Variants in CHEK1 observed in about 807,000 individuals in gnomAD.
The protein encoded by CHEK1 is serine/threonine-protein kinase Chk1.
CHEK1 carries 32 observed loss-of-function variants against 60.2 expected under a neutral mutation model. The observed-to-expected ratio is 0.53, with a 90% CI of 0.40 to 0.71. The LOEUF is 0.71. CHEK1 is among the 30% of genes least tolerant of loss of function. The probability of loss-of-function intolerance (pLI) is 0.00; values close to 1 mark genes in which losing one functional copy is unlikely to be tolerated. For missense variants in CHEK1, 399 were observed against 564.6 expected (o/e 0.71, Z 2.97); for synonymous variants, 179 against 187.2 (o/e 0.96, Z 0.36).
chr11:125,653,863 A>C lies in CHEK1; in HGVS notation c.1335+16A>C. On this transcript the variant is annotated intron_variant, in intron 12 of 12. Transcript: ENST00000438015. The surrounding 1 kb of genome is among the most constrained non-coding windows in gnomAD (Gnocchi z 4.3). The stretch of plus-strand genomic sequence containing the variant: ...GCTTTCTAAGGTATTTTTATGTTTT[A>C]TTGTATTCTTTCTATGGAAATATTT... The C allele has an allele frequency of 7.3e-7, 1 of 1,363,978 alleles. No individual in the cohort carries two copies. Among genetic ancestry groups the C allele is most frequent in the Non-Finnish European group, 1.0e-6 (1 of 975,878 alleles). The allele number at this position is 1,363,978 out of a possible 1,614,324, so 84.5% of individuals were successfully genotyped here.
chr11:125,671,251 A>T (rs2134098185), intron 13 of CHEK1, among the ~76,000 whole-genome samples: 1 of 152,234 alleles, frequency 6.6e-6, no homozygotes, highest in South Asian at 2.1e-4. Context: ...TATACCTAGT[A>T]GACTATTATT....
downstream of CHEK1, chr11:125,678,193 C>T (rs761826433): frequency 2.0e-5 from 32 of 1,614,160 alleles, no homozygotes; most frequent in Middle Eastern, 1.6e-4. Flanking sequence ...TATAAAGCCT[C>T]AGCATCAGAA....
At position 125,653,813 on chromosome 11, in the gene CHEK1, A is replaced by T. The variant is rs914262719; in HGVS notation, c.1301A>T (p.Asp434Val). ...TTCAAAGTGAATTTGTTAGAAATGGATGATAAAATATTGGTTGACTTCCGG... is the reference window on the plus strand; with the variant it reads ...TTCAAAGTGAATTTGTTAGAAATGGTTGATAAAATATTGGTTGACTTCCGG... ...LIFKVNLLEM[D>V]DKILVDFRLS... is the part of the protein sequence containing the mutation. Residue 434 changes from aspartate (D) to valine (V), a missense_variant, in exon 12 of 13, where the codon GAT becomes GTT. Asp to Val is a radical substitution (Grantham distance 152). Coordinates refer to ENST00000438015, the MANE Select transcript of CHEK1 (RefSeq NM_001114122.3). This position sits in a 1 kb window ranked among gnomAD's most constrained non-coding sequence, Gnocchi z 4.3. 6.3e-7 allele frequency: 1 copy of T among 1,585,688 alleles called. No homozygotes were observed. The highest frequency in any genetic ancestry group is 8.6e-7 in the Non-Finnish European group (1 of 1,159,878).
intron 13 of CHEK1, among the ~76,000 whole-genome samples, chr11:125,669,352 CTT>C: frequency 1.3e-5 from 2 of 152,230 alleles, no homozygotes; most frequent in Middle Eastern, 6.8e-3. Context: ...AGTATCTCCT[CTT>C]GTTTTCTGCT....
intron 5 of CHEK1, among the ~76,000 whole-genome samples, chr11:125,631,719 A>G (rs1335695238): frequency 6.6e-6 from 1 of 151,888 alleles, no homozygotes; most frequent in Non-Finnish European, 1.5e-5. Context: ...TTAGCTAGAC[A>G]TGGTGGTGCA....
rs371546941 is a variant in CHEK1, at chr11:125,644,112, C to T, written c.945C>T (p.Ser315=). 6.2e-7 allele frequency: 1 copy of T among 1,611,486 alleles called. No individual in the cohort carries two copies. The highest frequency in any genetic ancestry group is 1.1e-5 in the South Asian group (1 of 90,118). The change falls in exon 10 of 13, where the codon TCC becomes TCT. Residue 315 remains serine, a synonymous_variant. Coordinates refer to ENST00000438015, the MANE Select transcript of CHEK1 (RefSeq NM_001114122.3). ...SASSEENVKY[S]SSQPEPRTGL... ...TCAGTGAAGAAAATGTGAAGTACTCCAGTTCTCAGCCAGAACCCCGCACAG... is the reference window on the plus strand; with the variant it reads ...TCAGTGAAGAAAATGTGAAGTACTCTAGTTCTCAGCCAGAACCCCGCACAG...
At chr11:125,659,022 C>T (rs1941967660), downstream of CHEK1, among the ~76,000 whole-genome samples, 1 of 152,064 alleles carries the variant, frequency 6.6e-6, no homozygotes, top group South Asian at 2.1e-4. Context: ...TATAATTCAT[C>T]TGAAATTGGC....
At chr11:125,652,915 C>T (rs1941787759) in intron 11 of CHEK1, among the ~76,000 whole-genome samples, 1 of 152,118 alleles carries the variant, frequency 6.6e-6, no homozygotes, top group Non-Finnish European at 1.5e-5. Flanking sequence ...GAACTTACTC[C>T]TATCTAGCTG....
chr11:125,661,468 T>C (rs1196023763), downstream of CHEK1, among the ~76,000 whole-genome samples: 1 of 152,046 alleles, frequency 6.6e-6, no homozygotes, highest in African/African-American at 2.4e-5. Flanking sequence ...TGTGCCATCA[T>C]GTCTGGCTAA....
chr11:125,675,023 A>G (rs564897816), intron 13 of CHEK1, among the ~76,000 whole-genome samples: 1 of 152,330 alleles, frequency 6.6e-6, no homozygotes, highest in African/African-American at 2.4e-5. Flanking sequence ...TGACTAAATC[A>G]GTATCTCTTT....
intron 5 of CHEK1, among the ~76,000 whole-genome samples, chr11:125,629,807 ACCT>A (rs1940793272): frequency 6.6e-6 from 1 of 151,640 alleles, no homozygotes; most frequent in Non-Finnish European, 1.5e-5. Flanking sequence ...TGCAGCCTTG[ACCT>A]CCTAGGCTCA....
At chr11:125,679,322 ATCC>A (rs1033348686), downstream of CHEK1, among the ~76,000 whole-genome samples, 8 of 149,436 alleles carry the variant, frequency 5.4e-5, no homozygotes, top group African/African-American at 2.0e-4. Context: ...GGTTCAAGTG[ATCC>A]TCCTGCCTCT....
chr11:125,630,594 AG>A (rs1940826708), intron 5 of CHEK1, among the ~76,000 whole-genome samples: 1 of 152,132 alleles, frequency 6.6e-6, no homozygotes, highest in Non-Finnish European at 1.5e-5. Flanking sequence ...TATAGGTGTG[AG>A]CCGCTGTACC....
At chr11:125,670,411 AC>A (rs1356379494) in intron 13 of CHEK1, among the ~76,000 whole-genome samples, 1 of 152,188 alleles carries the variant, frequency 6.6e-6, no homozygotes, top group Non-Finnish European at 1.5e-5. Context: ...ATTTTTTATT[AC>A]ATAGTAGACA....
downstream of CHEK1, among the ~76,000 whole-genome samples, chr11:125,660,205 A>G (rs1941987051): frequency 6.6e-6 from 1 of 152,322 alleles, no homozygotes; most frequent in East Asian, 1.9e-4. Context: ...TGTACCTAGA[A>G]GTAGAATTTT....
rs574438520 is a variant in CHEK1 at position 125,667,274 on chromosome 11, G to A, written c.*28-8654G>A. ...ATGTTGTATTTGGTTTTCTCTTCTC[G>A]CATTAGGTCACTTAGTATAAAGGCC... is the stretch of plus-strand genomic sequence containing the variant. On this transcript the variant is annotated intron_variant, in intron 13 of 13. Coordinates refer to the CHEK1 transcript ENST00000428830. Among the ~76,000 whole-genome samples, 6 of 151,986 alleles carry A rather than the reference G, an allele frequency of 3.9e-5. No individual in the cohort carries two copies. The South Asian group carries it at 6.3e-4, about 16-fold the overall frequency.
At chr11:125,678,420 A>G, downstream of CHEK1, 1 of 1,141,316 alleles carries the variant, frequency 8.8e-7, no homozygotes, top group Admixed American at 2.5e-5. Flanking sequence ...TAGATTGGGC[A>G]CCTGAAGACT....
downstream of CHEK1, among the ~76,000 whole-genome samples, chr11:125,661,689 G>A (rs1225301009): frequency 6.6e-6 from 1 of 151,166 alleles, no homozygotes; most frequent in Admixed American, 6.6e-5. Context: ...TTTTTTTGAG[G>A]GTTACTCTAG....
At chr11:125,658,685 C>CTTTTTTTT (rs67342073), downstream of CHEK1, among the ~76,000 whole-genome samples, 4 of 34,880 alleles carry the variant, frequency 1.1e-4, 1 homozygote, top group Non-Finnish European at 2.0e-4. Context: ...ATGGCTTTTG[C>CTTTTTTTT]TTTTTTTTTT....
Sources: allele counts gnomAD v4.1 joint callset (sites outside exome capture counted in the v4.1 genomes callset), GRCh38; gene constraint gnomAD v4.1.1; non-coding constraint Gnocchi (gnomAD v3.1); transcripts MANE v1.5; gene names NCBI Gene and HGNC (gene_info 2026-07-23, HGNC 2026-07-21).